The following LEMD3 variants were observed in gnomAD, a reference collection of about 807,000 sequenced individuals.
The protein encoded by LEMD3 is inner nuclear membrane protein Man1.
Under a neutral mutation model 95.2 loss-of-function variants are expected in LEMD3, and 33 were observed. The ratio of observed to expected loss-of-function variants is 0.35; its 90% CI spans 0.26 to 0.46. LEMD3 has a LOEUF of 0.46. Among genes scored for constraint, LEMD3 ranks in the 20% least tolerant of loss-of-function variants. LEMD3 has a pLI of 1.00. For missense variants in LEMD3, 1,210 were observed against 1,192.8 expected, an observed-to-expected ratio of 1.01 and a Z score of -0.21; for synonymous variants, 525 against 474.6, an observed-to-expected ratio of 1.11 and a Z score of -1.38.
chr12:65,208,632 A>G (rs752905476), intron 1 of LEMD3, among the ~76,000 whole-genome samples: 9 of 152,182 alleles, frequency 5.9e-5, no homozygotes, highest in Non-Finnish European at 1.2e-4. Context: ...ATGTATAAAG[A>G]TACTTTGAAA....
At chr12:65,194,383 C>T (rs1018905082) in intron 1 of LEMD3, among the ~76,000 whole-genome samples, 1 of 152,078 alleles carries the variant, frequency 6.6e-6, no homozygotes, top group Non-Finnish European at 1.5e-5. Context: ...TATCCACCTC[C>T]CTGAAAATTT....
At chr12:65,242,804 T>C (rs555557912) in intron 9 of LEMD3, among the ~76,000 whole-genome samples, 4 of 152,348 alleles carry the variant, frequency 2.6e-5, no homozygotes, top group South Asian at 4.1e-4. Flanking sequence ...TTTTAAAATA[T>C]GTAGTTTTAA....
chr12:65,216,628 TC>T (rs1870119414), intron 3 of LEMD3, among the ~76,000 whole-genome samples: 1 of 151,834 alleles, frequency 6.6e-6, no homozygotes, highest in South Asian at 2.1e-4. Flanking sequence ...TTTTTTTAGT[TC>T]TTTTTTTTTT....
At chr12:65,202,553 G>A (rs1370919798) in intron 1 of LEMD3, among the ~76,000 whole-genome samples, 1 of 152,080 alleles carries the variant, frequency 6.6e-6, no homozygotes, top group Non-Finnish European at 1.5e-5. Flanking sequence ...TGAAGTTTTC[G>A]TGTAATGTCT....
At chr12:65,236,792 C>A (rs1870786789) in intron 4 of LEMD3, among the ~76,000 whole-genome samples, 1 of 151,916 alleles carries the variant, frequency 6.6e-6, no homozygotes. Context: ...AATAATCATA[C>A]AATGGAATAC....
rs2136359774 is a variant in LEMD3, at chr12:65,247,287, T to A, written c.*962T>A. ...ATATTTTGTGAAAAGCTGTATTTAT[T>A]ATAAATACTAGGGCCATGACATAGT... is the stretch of plus-strand genomic sequence containing the variant. On this transcript the variant is annotated 3_prime_UTR_variant, in exon 13 of 13. Transcript: ENST00000308330. 6.5e-6 allele frequency: 1 copy of A among 152,722 alleles called. No individual in the cohort carries two copies. The highest frequency in any genetic ancestry group is 3.4e-3 in the Middle Eastern group (1 of 294). The allele number at this position is 152,722 out of a possible 1,614,324, so 9.5% of individuals were successfully genotyped here. A position where few individuals can be genotyped will look rare whatever the true frequency, so the allele number is the denominator to read the frequency against.
intron 4 of LEMD3, among the ~76,000 whole-genome samples, chr12:65,219,247 C>T (rs1870208134): frequency 6.6e-6 from 1 of 152,124 alleles, no homozygotes; most frequent in Admixed American, 6.6e-5. Flanking sequence ...TCTTCTGTCC[C>T]ACATCAGTTT....
At chr12:65,175,415 A>G (rs376382232) in intron 1 of LEMD3, among the ~76,000 whole-genome samples, 8 of 151,792 alleles carry the variant, frequency 5.3e-5, no homozygotes, top group East Asian at 1.9e-4. Context: ...TTCTGCCTCT[A>G]TTTTCTTCCC....
rs779933634 is a variant in LEMD3 at position 65,245,706 on chromosome 12, G to A, written c.2425G>A (p.Ala809Thr). 1 of 1,613,754 alleles carries A rather than the reference G, an allele frequency of 6.2e-7. No individual in the cohort carries two copies. The highest frequency in any genetic ancestry group is 8.5e-7 in the Non-Finnish European group (1 of 1,179,868). ...TCAGTGGCATTTGGCAATTCAAGAA[G>A]CAATTTTAGAAAAATGCAGTGATAA... ...GDQWHLAIQE[A>T]ILEKCSDNDG... The change falls in exon 11 of 13, where the codon GCA becomes ACA. Residue 809 changes from alanine to threonine, a missense_variant. Around this residue, in one of 2 missense-constraint regions of LEMD3, gnomAD observed 461 missense variants for 569.8 expected, o/e 0.81. Coordinates refer to ENST00000308330, the MANE Select transcript of LEMD3 (RefSeq NM_014319.5).
At chr12:65,171,276 C>A in intron 1 of LEMD3, 158 bp downstream of exon 1, 1 of 1,312,934 alleles carries the variant, frequency 7.6e-7, no homozygotes, top group Non-Finnish European at 1.0e-6. Flanking sequence ...TCTTAAAGAA[C>A]ACCATTATCG....
intron 1 of LEMD3, among the ~76,000 whole-genome samples, chr12:65,191,675 G>A (rs1869243481): frequency 6.6e-6 from 1 of 152,100 alleles, no homozygotes. Context: ...GCTCATACCT[G>A]TAATCCCAGC....
At chr12:65,221,089 C>T (rs766217744) in intron 4 of LEMD3, among the ~76,000 whole-genome samples, 9 of 151,134 alleles carry the variant, frequency 6.0e-5, no homozygotes, top group African/African-American at 7.3e-5. Context: ...GTATTGCCTT[C>T]GGTGGTATAG....
rs1233666664 is a variant in LEMD3, at chr12:65,170,460, A to T, written c.864A>T (p.Arg288=). 3 of 1,613,442 alleles carry T rather than the reference A, an allele frequency of 1.9e-6. No individual in the cohort carries two copies. In the South Asian group the frequency reaches 3.3e-5, roughly 18 times the overall value. ...DDSLSRHRPR[R]THSKPLPPLT... is the part of the protein sequence containing the mutation. ...CCCTTTCCCGGCATCGGCCCAGACG[A>T]ACCCATAGTAAGCCTCTCCCCCCGC... Residue 288 remains arginine (R), a synonymous_variant, in exon 1 of 13, where the codon CGA becomes CGT. Coordinates refer to ENST00000308330, the MANE Select transcript of LEMD3 (RefSeq NM_014319.5).
At chr12:65,240,879 A>G in intron 8 of LEMD3, 30 bp from the exon 9 acceptor site, 1 of 1,598,296 alleles carries the variant, frequency 6.3e-7, no homozygotes, top group Non-Finnish European at 8.6e-7. Context: ...CCAAGATGAT[A>G]GTAAATTTGC....
At chr12:65,197,211 G>A (rs1869460260) in intron 1 of LEMD3, among the ~76,000 whole-genome samples, 1 of 152,070 alleles carries the variant, frequency 6.6e-6, no homozygotes, top group African/African-American at 2.4e-5. Flanking sequence ...TATCTGATTT[G>A]TTTTAATAGT....
At position 65,170,341 on chromosome 12, in the gene LEMD3, C is replaced by T. The variant is rs1868487551; in HGVS notation, c.745C>T (p.Leu249Phe). 6.2e-7 allele frequency: 1 copy of T among 1,607,010 alleles called. No homozygotes were observed. The highest frequency in any genetic ancestry group is 1.7e-5 in the Admixed American group (1 of 59,018). The change falls in exon 1 of 13, where the codon CTT (leucine) becomes TTT (phenylalanine). Residue 249 changes from leucine to phenylalanine, a missense_variant. By Grantham distance (22) the Leu-to-Phe change is conservative. This residue lies in a region of LEMD3 where 749 missense variants were observed against 622.9 expected (regional missense o/e 1.20). Coordinates refer to ENST00000308330, the MANE Select transcript of LEMD3 (RefSeq NM_014319.5). The part of the protein sequence containing the change: ...WASRTVNGSR[L>F]VPYSCRENYS... ...GAGCCGGACCGTGAATGGCAGCCGG[C>T]TTGTCCCCTACAGCTGCCGGGAAAA... is the stretch of plus-strand genomic sequence containing the variant.
intron 4 of LEMD3, among the ~76,000 whole-genome samples, chr12:65,223,026 T>C (rs1164022449): frequency 2.0e-5 from 3 of 152,158 alleles, no homozygotes; most frequent in African/African-American, 7.2e-5. Flanking sequence ...CGGTCGTCTT[T>C]AATGTGTTAA....
At chr12:65,175,016 G>A (rs1021008859) in intron 1 of LEMD3, among the ~76,000 whole-genome samples, 1 of 152,192 alleles carries the variant, frequency 6.6e-6, no homozygotes, top group Non-Finnish European at 1.5e-5. Flanking sequence ...GTATCAGCAA[G>A]TGCAGAATTC....
intron 4 of LEMD3, among the ~76,000 whole-genome samples, chr12:65,220,979 A>G (rs1415333193): frequency 6.6e-6 from 1 of 152,090 alleles, no homozygotes; most frequent in Non-Finnish European, 1.5e-5. Flanking sequence ...TAGTTTTGTC[A>G]TATGTTTTAA....
Sources: allele counts gnomAD v4.1 joint callset (sites outside exome capture counted in the v4.1 genomes callset), GRCh38; gene constraint gnomAD v4.1.1; regional missense constraint gnomAD v4.1.1; transcripts MANE v1.5; gene names NCBI Gene and HGNC (gene_info 2026-07-23, HGNC 2026-07-21).